Variants in IARS2 observed in about 807,000 individuals in gnomAD.
IARS2 encodes isoleucine--tRNA ligase, mitochondrial.
Under a neutral mutation model 126.3 loss-of-function variants are expected in IARS2, and 56 were observed. That is an observed-to-expected ratio of 0.44 (90% CI 0.36 to 0.55). The LOEUF (loss-of-function observed/expected upper bound fraction) is 0.55. IARS2 is among the 20% of genes least tolerant of loss of function. The pLI, the probability that IARS2 is intolerant of heterozygous loss-of-function variation, is 0.00. For missense variants in IARS2, 1,127 were observed against 1,245.9 expected, an observed-to-expected ratio of 0.90 and a Z score of 1.44; for synonymous variants, 407 against 441.1, an observed-to-expected ratio of 0.92 and a Z score of 0.97.
At chr1:220,139,410 A>G (rs953231322) in intron 18 of IARS2, among the ~76,000 whole-genome samples, 1 of 152,158 alleles carries the variant, frequency 6.6e-6, no homozygotes, top group Non-Finnish European at 1.5e-5. Context: ...GGACTATCCT[A>G]TTTGTCTCAT....
intron 10 of IARS2, among the ~76,000 whole-genome samples, chr1:220,108,050 C>T (rs1656716909): frequency 6.6e-6 from 1 of 151,978 alleles, no homozygotes; most frequent in African/African-American, 2.4e-5. Flanking sequence ...AGGCATACAC[C>T]ACCACACCCA....
In IARS2 at chr1:220,139,040, T is replaced by C. The variant is rs778660954; in HGVS notation, c.2208T>C (p.Asn736=). 3.7e-5 allele frequency: 59 copies of C among 1,613,672 alleles called. No homozygotes were observed. Among genetic ancestry groups the C allele is most frequent in the Non-Finnish European group, 5.0e-5 (59 of 1,179,770 alleles). Residue 736 remains asparagine (N), a synonymous_variant, in exon 18 of 23, where the codon AAT becomes AAC. Transcript: ENST00000366922. ...LRNTLRFLLG[N]VADFNPETDS... is the part of the protein sequence containing the mutation. The stretch of plus-strand genomic sequence containing the variant: ...ATACACTTCGCTTTCTTTTGGGAAA[T>C]GTGGCTGATTTCAACCCAGAAACAG...
At position 220,105,950 on chromosome 1, in the gene IARS2, C is replaced by T; in HGVS notation, c.1126C>T (p.Leu376Phe). The change falls in exon 9 of 23, where the codon CTT becomes TTT. Residue 376 changes from leucine to phenylalanine, a missense_variant. By Grantham distance (22) the Leu-to-Phe change is conservative. Coordinates refer to ENST00000366922, the MANE Select transcript of IARS2 (RefSeq NM_018060.4). ...ATTAATTCCTGATAAAGCCTCTCCTCTTTTACCTGCAAATCATGTGACCAT... is the reference window on the plus strand; with the variant it reads ...ATTAATTCCTGATAAAGCCTCTCCTTTTTTACCTGCAAATCATGTGACCAT... ...HPLIPDKASP[L>F]LPANHVTMAK... The T allele has an allele frequency of 6.2e-7, 1 of 1,614,142 alleles. No homozygotes were observed. The highest frequency in any genetic ancestry group is 2.2e-5 in the East Asian group (1 of 44,882).
intron 11 of IARS2, among the ~76,000 whole-genome samples, chr1:220,111,347 T>G (rs1656795530): frequency 6.6e-6 from 1 of 152,128 alleles, no homozygotes; most frequent in African/African-American, 2.4e-5. Flanking sequence ...TGATACATAA[T>G]AAGCAGTCAG....
chr1:220,108,882 T>TTA (rs1656741581), intron 10 of IARS2, among the ~76,000 whole-genome samples: 2 of 147,816 alleles, frequency 1.4e-5, no homozygotes, highest in African/African-American at 5.0e-5. Flanking sequence ...TTTTTTTTTT[T>TTA]ATTGGAGGGA....
intron 6 of IARS2, 24 bp from the exon 7 acceptor site, chr1:220,102,663 A>C: frequency 6.3e-7 from 1 of 1,596,472 alleles, no homozygotes; most frequent in Non-Finnish European, 8.6e-7. Flanking sequence ...ATTTGCTAAC[A>C]TATTTACAAT....
In IARS2 at chr1:220,100,660, T is replaced by G. The variant is rs750819484; in HGVS notation, c.550+11T>G. On this transcript the variant is annotated intron_variant, in intron 3 of 22. Transcript: ENST00000366922. ...AAATTAGAAAGAAAGGTAAATAATC[T>G]GTATTTCTGTTTTAAAATGATATTT... 2.5e-6 allele frequency: 4 copies of G among 1,584,004 alleles called. No homozygotes were observed. Among genetic ancestry groups the G allele is most frequent in the Non-Finnish European group, 3.5e-6 (4 of 1,158,142 alleles).
At chr1:220,137,035 A>C (rs191034925) in intron 16 of IARS2, 124 bp downstream of exon 16, 569 of 567,690 alleles carry the variant, frequency 1.0e-3, no homozygotes, top group Non-Finnish European at 1.5e-3. Flanking sequence ...CAAATAACAC[A>C]TGATTGTAAT....
rs772757952 is a variant in IARS2 at position 220,094,177 on chromosome 1, G to T, written c.-40G>T. On this transcript the variant is annotated 5_prime_UTR_variant, in exon 1 of 23. Transcript: ENST00000366922. ...CTGGGGTCCTGCCCCTTCAAGCTGG[G>T]GCGGGAGCGGAGGACCCCGCTCTCA... 6.6e-7 allele frequency: 1 copy of T among 1,509,346 alleles called. No homozygotes were observed. The highest frequency in any genetic ancestry group is 2.3e-5 in the East Asian group (1 of 42,586). 93.5% of individuals were successfully genotyped at this position (1,509,346 alleles called of 1,614,324 possible). A position where few individuals can be genotyped will look rare whatever the true frequency, so the allele number is the denominator to read the frequency against.
At chr1:220,145,450 A>C in intron 21 of IARS2, 59 bp from the exon 22 acceptor site, 5 of 1,490,542 alleles carry the variant, frequency 3.4e-6, no homozygotes, top group Non-Finnish European at 4.5e-6. Flanking sequence ...TTCTTTTTAT[A>C]ACCTCAGTTT....
chr1:220,107,890 G>C (rs1656713720), intron 10 of IARS2, among the ~76,000 whole-genome samples: 1 of 152,048 alleles, frequency 6.6e-6, no homozygotes, highest in South Asian at 2.1e-4. Context: ...CTTGTCACAT[G>C]GCCTTCTTTA....
chr1:220,100,031 T>C (rs1461779979), intron 2 of IARS2, among the ~76,000 whole-genome samples: 1 of 152,236 alleles, frequency 6.6e-6, no homozygotes, highest in Non-Finnish European at 1.5e-5. Flanking sequence ...GCCAAATCTA[T>C]CCTTTGCCTT....
chr1:220,109,756 A>C (rs1391408088), intron 10 of IARS2, among the ~76,000 whole-genome samples: 1 of 152,204 alleles, frequency 6.6e-6, no homozygotes, highest in Non-Finnish European at 1.5e-5. Flanking sequence ...CTGATTCCCA[A>C]GTAAGGTCAC....
At chr1:220,098,831 A>G (rs908101129) in intron 2 of IARS2, among the ~76,000 whole-genome samples, 1 of 152,164 alleles carries the variant, frequency 6.6e-6, no homozygotes, top group Non-Finnish European at 1.5e-5. Context: ...ACATTTAAGA[A>G]TCCTTATTAG....
intron 9 of IARS2, 85 bp from the exon 10 acceptor site, chr1:220,106,976 A>T: frequency 2.2e-6 from 2 of 918,324 alleles, no homozygotes; most frequent in Non-Finnish European, 3.6e-6. Context: ...CTATACTGAG[A>T]TGTTTTTATA....
Position 220,125,327 on chromosome 1 carries a change from A to T in IARS2, c.1731A>T (p.Glu577Asp), listed in dbSNP as rs1210391067. The change falls in exon 13 of 23, where the codon GAA becomes GAT. Residue 577 changes from glutamate (E) to aspartate (D), a missense_variant. Coordinates refer to ENST00000366922, the MANE Select transcript of IARS2 (RefSeq NM_018060.4). ...CCCCTGAACAACTTCTTCCAAAAGAAGTCTTATCTGAGGTAAATTTCTGTT... is the reference window on the plus strand; with the variant it reads ...CCCCTGAACAACTTCTTCCAAAAGATGTCTTATCTGAGGTAAATTTCTGTT... ...TLPPEQLLPK[E>D]VLSEVGGPDA... 6.2e-7 allele frequency: 1 copy of T among 1,609,034 alleles called. No individual in the cohort carries two copies. Among genetic ancestry groups the T allele is most frequent in the Non-Finnish European group, 8.5e-7 (1 of 1,175,604 alleles).
chr1:220,146,450 G>A lies in IARS2; in HGVS notation c.2896+797G>A, dbSNP rs371797136. On this transcript the variant is annotated intron_variant, in intron 22 of 22. Transcript: ENST00000366922. ...GGAGAATGGCGTGAACCCCGGAGGC[G>A]GAGCTTGCAGTGAGCTGAGATCACA... Among the ~76,000 whole-genome samples the A allele has an allele frequency of 3.6e-3, 526 of 144,578 alleles. 3 individuals carry two copies. Among genetic ancestry groups the A allele is most frequent in the African/African-American group, 0.013 (489 of 38,272 alleles). 94.8% of individuals were successfully genotyped at this position (144,578 alleles called of 152,430 possible).
At chr1:220,098,004 A>G (rs1478222503) in intron 2 of IARS2, among the ~76,000 whole-genome samples, 1 of 152,114 alleles carries the variant, frequency 6.6e-6, no homozygotes, top group African/African-American at 2.4e-5. Flanking sequence ...TCTCCCGAGT[A>G]GCTGGGACCA....
Position 220,097,869 on chromosome 1 carries a change from C to G in IARS2, c.390+1643C>G, listed in dbSNP as rs1571842591. ...GGAATAATTCCATAAAAAACAGTGG[C>G]ATCTTTTGTTGTTGTTGTTCTTTGA... is the stretch of plus-strand genomic sequence containing the variant. On this transcript the variant is annotated intron_variant, in intron 2 of 22. Transcript: ENST00000366922. 2.6e-5 allele frequency among the ~76,000 whole-genome samples: 4 copies of G among 152,144 alleles called. No individual in the cohort carries two copies. In the East Asian group the frequency reaches 7.8e-4, roughly 30 times the overall value.
Sources: allele counts gnomAD v4.1 joint callset (sites outside exome capture counted in the v4.1 genomes callset), GRCh38; gene constraint gnomAD v4.1.1; transcripts MANE v1.5; gene names NCBI Gene and HGNC (gene_info 2026-07-23, HGNC 2026-07-21).